Variants in PLXND1 observed in about 807,000 individuals in gnomAD.
The protein encoded by PLXND1 is plexin-D1.
Under a neutral mutation model 197.7 loss-of-function variants are expected in PLXND1, and 54 were observed. The observed-to-expected ratio is 0.27, with a 90% CI of 0.22 to 0.34. The LOEUF (loss-of-function observed/expected upper bound fraction) is 0.34, where lower values mean the gene tolerates loss of function less well. PLXND1 is among the 10% of genes least tolerant of loss of function. The probability of loss-of-function intolerance (pLI) is 1.00; values close to 1 mark genes in which losing one functional copy is unlikely to be tolerated. For missense variants in PLXND1, 2,127 were observed against 2,699.2 expected (o/e 0.79, Z 4.70); for synonymous variants, 1,180 against 1,161.2 (o/e 1.02, Z -0.33).
intron 4 of PLXND1, 40 bp downstream of exon 4, chr3:129,586,132 C>T (rs1023866054): frequency 1.3e-5 from 21 of 1,611,828 alleles, no homozygotes; most frequent in Admixed American, 8.3e-5. Flanking sequence ...CCCACCCCCA[C>T]AGCCCTCCTG....
In PLXND1 at chr3:129,558,384, CTGGCCCTG is replaced by C. The variant is rs760268387; in HGVS notation, c.5445+36_5445+43del. On this transcript the variant is annotated intron_variant, in intron 33 of 35. Transcript: ENST00000324093. This position sits in a 1 kb window ranked among gnomAD's most constrained non-coding sequence, Gnocchi z 4.1. Reference sequence around the variant, plus strand: ...GGCTACCCATGGTCGGCACCCCACTCTGGCCCTGTGCATGGGCCTGGCCTGGTCCTGGG... The same window carrying C: ...GGCTACCCATGGTCGGCACCCCACTCTGCATGGGCCTGGCCTGGTCCTGGG... The C allele has an allele frequency of 6.3e-6, 10 of 1,589,294 alleles. No homozygotes were observed. In the Admixed American group the frequency reaches 1.7e-4, roughly 27 times the overall value.
intron 1 of PLXND1, among the ~76,000 whole-genome samples, chr3:129,595,347 G>A (rs892088114): frequency 6.6e-6 from 1 of 152,240 alleles, no homozygotes; most frequent in African/African-American, 2.4e-5. Flanking sequence ...GGGCAGGACG[G>A]ACTCGGTCCT....
intron 12 of PLXND1, 58 bp downstream of exon 12, chr3:129,574,278 A>G (rs961438110): frequency 5.4e-6 from 8 of 1,482,338 alleles, no homozygotes; most frequent in Non-Finnish European, 6.3e-6. Flanking sequence ...CCTCGAGGGC[A>G]CTGCGCATGC....
At position 129,584,366 on chromosome 3, in the gene PLXND1, AACAGC is replaced by A. The variant is rs768835360; in HGVS notation, c.2029+14_2029+18del. 3 of 1,609,296 alleles carry A rather than the reference AACAGC, an allele frequency of 1.9e-6. No homozygotes were observed. The South Asian group carries it at 3.3e-5, about 18-fold the overall frequency. ...CGTTCTGCCCCTCTGGGGCTGTGCC[AACAGC>A]ACAGCGTGCTTACCCTGGTTGGGGG... is the stretch of plus-strand genomic sequence containing the variant. On this transcript the variant is annotated intron_variant, in intron 6 of 35. Coordinates refer to ENST00000324093, the MANE Select transcript of PLXND1 (RefSeq NM_015103.3).
At position 129,605,966 on chromosome 3, in the gene PLXND1, C is replaced by T. The variant is rs747925447; in HGVS notation, c.674G>A (p.Arg225His). ...CTCGAAGCGGTGGTCCTCCAGGCTGCGGTTGCGCGGGAAGAAGGAGCTGCC... is the reference window on the plus strand; with the variant it reads ...CTCGAAGCGGTGGTCCTCCAGGCTGTGGTTGCGCGGGAAGAAGGAGCTGCC... ...GYGSSFFPRN[R>H]SLEDHRFENT... is the part of the protein sequence containing the mutation. Residue 225 changes from arginine to histidine, a missense_variant, in exon 1 of 36, where the codon CGC becomes CAC. Arg to His is a conservative substitution (Grantham distance 29, BLOSUM62 0). Around this residue, in one of 6 missense-constraint regions of PLXND1, gnomAD observed 1,095 missense variants for 1,259.8 expected, o/e 0.87. Transcript: ENST00000324093. The T allele has an allele frequency of 1.2e-6, 2 of 1,611,648 alleles. No homozygotes were observed. The highest frequency in any genetic ancestry group is 2.2e-5 in the South Asian group (2 of 91,052).
intron 11 of PLXND1, 134 bp from the exon 12 acceptor site, chr3:129,574,624 G>A (rs2085286174): frequency 1.1e-6 from 1 of 904,162 alleles, no homozygotes; most frequent in East Asian, 2.7e-5. Flanking sequence ...AGGAAGTCCT[G>A]ATTCTGGGGG....
intron 27 of PLXND1, among the ~76,000 whole-genome samples, 199 bp from the exon 28 acceptor site, chr3:129,562,102 AAAGAG>A (rs2085070546): frequency 6.6e-6 from 1 of 152,104 alleles, no homozygotes; most frequent in Non-Finnish European, 1.5e-5. Flanking sequence ...GTGAGGGTAC[AAAGAG>A]AAGGTGCCAG....
At chr3:129,583,423 C>T (rs189011762) in intron 8 of PLXND1, 144 bp downstream of exon 8, 264 of 605,492 alleles carry the variant, frequency 4.4e-4, no homozygotes, top group African/African-American at 4.1e-3. Flanking sequence ...TTAAACGCAC[C>T]GTGGTATGTG....
chr3:129,577,227 G>A lies in PLXND1; in HGVS notation c.2346+1102C>T, dbSNP rs1478128878. Among the ~76,000 whole-genome samples, 1 of 152,118 alleles carries A rather than the reference G, an allele frequency of 6.6e-6. No individual in the cohort carries two copies. Among genetic ancestry groups the A allele is most frequent in the Non-Finnish European group, 1.5e-5 (1 of 67,994 alleles). ...GCTCAGCAAACAGGCCCCCACCGCT[G>A]GGCCTGACTTCAGTGTTCTAGGAGC... On this transcript the variant is annotated intron_variant, in intron 9 of 35. Coordinates refer to ENST00000324093, the MANE Select transcript of PLXND1 (RefSeq NM_015103.3). The surrounding 1 kb of genome is among the most constrained non-coding windows in gnomAD (Gnocchi z 5.0).
intron 25 of PLXND1, among the ~76,000 whole-genome samples, chr3:129,563,792 G>A (rs1012825505): frequency 2.6e-5 from 4 of 152,376 alleles, no homozygotes; most frequent in South Asian, 4.1e-4. Flanking sequence ...CCACAGCCAT[G>A]AGCTGATTCT....
intron 9 of PLXND1, 137 bp downstream of exon 9, chr3:129,578,192 G>A (rs908193777): frequency 1.5e-6 from 1 of 673,524 alleles, no homozygotes; most frequent in East Asian, 2.7e-5. Flanking sequence ...AGAAAGAAAA[G>A]CAAAGCCCAC....
chr3:129,563,543 A>T (rs1437759584), intron 25 of PLXND1, among the ~76,000 whole-genome samples: 1 of 152,222 alleles, frequency 6.6e-6, no homozygotes, highest in Non-Finnish European at 1.5e-5. Context: ...CCTGCCCAAG[A>T]TCACCCAGCT....
intron 1 of PLXND1, among the ~76,000 whole-genome samples, chr3:129,594,442 C>T (rs557678182): frequency 6.6e-6 from 1 of 152,134 alleles, no homozygotes; most frequent in Non-Finnish European, 1.5e-5. Flanking sequence ...TATAATTTCA[C>T]CACCGCACTC....
chr3:129,599,142 G>A (rs1029111650), intron 1 of PLXND1, among the ~76,000 whole-genome samples: 4 of 152,166 alleles, frequency 2.6e-5, no homozygotes, highest in Non-Finnish European at 4.4e-5. Flanking sequence ...CCCAGTACAC[G>A]CCACGCGTCT....
intron 5 of PLXND1, among the ~76,000 whole-genome samples, chr3:129,585,635 A>G (rs916789723): frequency 5.9e-5 from 9 of 151,474 alleles, no homozygotes; most frequent in Admixed American, 5.9e-4. Context: ...CAGCTCTACC[A>G]CTCCCTAGCT....
chr3:129,572,657 G>A lies in PLXND1; in HGVS notation c.3029C>T (p.Ser1010Phe). 5 of 1,602,916 alleles carry A rather than the reference G, an allele frequency of 3.1e-6. No individual in the cohort carries two copies. The highest frequency in any genetic ancestry group is 1.3e-5 in the African/African-American group (1 of 74,842). The change falls in exon 15 of 36, where the codon TCC becomes TTC. Residue 1010 changes from serine to phenylalanine, a missense_variant. Around this residue, in one of 6 missense-constraint regions of PLXND1, gnomAD observed 1,095 missense variants for 1,259.8 expected, o/e 0.87. Transcript: ENST00000324093. ...GTCGTTCACCAGGACCTGGAGCTCG[G>A]AGCCTACATGGAGGTCATTCCCATG... ...TIHGNDLHVGSELQVLVNDTD... is the reference protein window; with the variant it reads ...TIHGNDLHVGFELQVLVNDTD...
At chr3:129,563,288 C>G in intron 25 of PLXND1, 48 bp from the exon 26 acceptor site, 2 of 1,520,076 alleles carry the variant, frequency 1.3e-6, no homozygotes, top group Non-Finnish European at 1.8e-6. Context: ...TGTATTCCAG[C>G]CCCCATGCTT....
chr3:129,575,042 C>T (rs772768807), intron 11 of PLXND1, among the ~76,000 whole-genome samples: 11 of 152,168 alleles, frequency 7.2e-5, no homozygotes, highest in South Asian at 2.1e-4. Flanking sequence ...GAGGGCACCA[C>T]GTCCACCAGG....
intron 8 of PLXND1, among the ~76,000 whole-genome samples, chr3:129,579,133 C>T (rs946653747): frequency 3.3e-5 from 5 of 151,164 alleles, no homozygotes; most frequent in Non-Finnish European, 7.4e-5. Context: ...CCTGGCAGAG[C>T]AGCTGCTTCA....
Sources: gnomAD v4.1 joint callset for allele counts (sites outside exome capture counted in the v4.1 genomes callset) on GRCh38, gnomAD v4.1.1 for gene constraint, gnomAD v4.1.1 regional missense constraint, Gnocchi (gnomAD v3.1) non-coding constraint, MANE v1.5 for transcripts, NCBI Gene and HGNC (gene_info 2026-07-23, HGNC 2026-07-21) for gene names.